Variants in ZFP64 observed in about 807,000 individuals in gnomAD.
The protein encoded by ZFP64 is zinc finger protein 64.
In ZFP64, 14 loss-of-function variants were observed where a neutral mutation model predicts 51.6. That is an observed-to-expected ratio of 0.27 (90% CI 0.18 to 0.42). The LOEUF (loss-of-function observed/expected upper bound fraction) is 0.42, where lower values mean the gene tolerates loss of function less well. Ranked by LOEUF, ZFP64 falls within the 10% of genes least tolerant of loss-of-function variation. The pLI, the probability that ZFP64 is intolerant of heterozygous loss-of-function variation, is 1.00. For synonymous variants in ZFP64, 375 were observed against 361.4 expected, an observed-to-expected ratio of 1.04 and a Z score of -0.43; for missense variants, 754 against 906.8, an observed-to-expected ratio of 0.83 and a Z score of 2.16.
At chr20:52,090,159 G>A (rs1250503635) in intron 7 of ZFP64, among the ~76,000 whole-genome samples, 1 of 152,120 alleles carries the variant, frequency 6.6e-6, no homozygotes, top group Non-Finnish European at 1.5e-5. Context: ...TTTAGAAGCA[G>A]GGTGGTCCAA....
chr20:52,148,177 T>C (rs1980616536), downstream of ZFP64, among the ~76,000 whole-genome samples: 1 of 152,222 alleles, frequency 6.6e-6, no homozygotes, highest in African/African-American at 2.4e-5. Context: ...GGGGGAAGCT[T>C]TGTAAGTCTA....
At chr20:52,118,359 T>C (rs1285100642) in intron 5 of ZFP64, among the ~76,000 whole-genome samples, 1 of 152,128 alleles carries the variant, frequency 6.6e-6, no homozygotes, top group African/African-American at 2.4e-5. Context: ...CCCTACTGGT[T>C]TGAAAGCTCC....
rs772308417 is a variant in ZFP64 at position 52,152,434 on chromosome 20, G to A, written c.1758C>T (p.Leu586=). The A allele has an allele frequency of 4.3e-6, 7 of 1,614,074 alleles. No homozygotes were observed. The highest frequency in any genetic ancestry group is 1.6e-4 in the Middle Eastern group (1 of 6,084). Residue 586 remains leucine, a synonymous_variant, in exon 6 of 6, where the codon CTC becomes CTT. Coordinates refer to ENST00000216923, the MANE Select transcript of ZFP64 (RefSeq NM_018197.3). ...GGGGGCCACCTGAGGCCGTGGGGAT[G>A]AGAGTCTGGTGCAGAGTGGCTCCGT... is the stretch of plus-strand genomic sequence containing the variant. ...QTDGATLHQT[L]IPTASGGPQE... is the part of the protein sequence containing the mutation.
chr20:52,161,258 T>C (rs1000285181), intron 4 of ZFP64, among the ~76,000 whole-genome samples: 1 of 152,188 alleles, frequency 6.6e-6, no homozygotes, highest in African/African-American at 2.4e-5. Flanking sequence ...CAACTTGACA[T>C]CTGTGAACTA....
intron 5 of ZFP64, among the ~76,000 whole-genome samples, chr20:52,103,239 G>C (rs1025852411): frequency 6.6e-6 from 1 of 152,146 alleles, no homozygotes; most frequent in Non-Finnish European, 1.5e-5. Context: ...CAGCCCCTTC[G>C]TCATTTTACT....
rs1242517581 is a variant in ZFP64, at chr20:52,191,421, C to T, written c.46+170G>A. 6.6e-6 allele frequency among the ~76,000 whole-genome samples: 1 copy of T among 152,106 alleles called. No homozygotes were observed. Among genetic ancestry groups the T allele is most frequent in the Non-Finnish European group, 1.5e-5 (1 of 68,010 alleles). The stretch of plus-strand genomic sequence containing the variant: ...GTGCGCCCCCACCCCAAGCCCACTC[C>T]GGCGCCCCCTGCACAGCGCGCCCGC... On this transcript the variant is annotated intron_variant, in intron 1 of 5. Transcript: ENST00000216923. This position sits in a 1 kb window ranked among gnomAD's most constrained non-coding sequence, Gnocchi z 4.3.
intron 5 of ZFP64, among the ~76,000 whole-genome samples, chr20:52,099,864 CAAA>C (rs200035988): frequency 1.3e-5 from 2 of 152,128 alleles, no homozygotes; most frequent in East Asian, 3.9e-4. Context: ...CCAAAACGGT[CAAA>C]TAATTTCATG....
In ZFP64 at chr20:52,151,292, A is replaced by G; in HGVS notation, c.*854T>C. 2.1e-5 allele frequency: 21 copies of G among 985,246 alleles called. No individual in the cohort carries two copies. The highest frequency in any genetic ancestry group is 2.4e-5 in the Non-Finnish European group (20 of 829,762). The allele number at this position is 985,246 out of a possible 1,614,324, so 61.0% of individuals were successfully genotyped here. A position where few individuals can be genotyped will look rare whatever the true frequency, so the allele number is the denominator to read the frequency against. ...TTAACATTCAGTATATTTTAATCAGATATCAATTTATTATGGAACCATTCA... is the reference window on the plus strand; with the variant it reads ...TTAACATTCAGTATATTTTAATCAGGTATCAATTTATTATGGAACCATTCA... On this transcript the variant is annotated 3_prime_UTR_variant, in exon 6 of 6. Coordinates refer to ENST00000216923, the MANE Select transcript of ZFP64 (RefSeq NM_018197.3).
At chr20:52,176,354 G>C (rs775048696) in intron 2 of ZFP64, among the ~76,000 whole-genome samples, 9 of 152,064 alleles carry the variant, frequency 5.9e-5, no homozygotes, top group Non-Finnish European at 1.0e-4. Context: ...GGGCAGCAGT[G>C]CTTATCCAAC....
chr20:52,096,348 C>T (rs190800297), intron 7 of ZFP64, among the ~76,000 whole-genome samples: 3 of 152,292 alleles, frequency 2.0e-5, no homozygotes, highest in Admixed American at 6.5e-5. Context: ...GCTGGCTAAG[C>T]GATGCAGAGA....
At chr20:52,173,649 T>G (rs1192653982) in intron 2 of ZFP64, among the ~76,000 whole-genome samples, 1 of 151,698 alleles carries the variant, frequency 6.6e-6, no homozygotes, top group Non-Finnish European at 1.5e-5. Flanking sequence ...TCCTTGCTTT[T>G]TTTTTTTTCT....
chr20:52,151,778 A>G lies in ZFP64; in HGVS notation c.*368T>C. ...CATTAAGAGCAAACCACGGCCAGGC[A>G]TGGTGGCTCACACCTGTAATCCCAG... On this transcript the variant is annotated 3_prime_UTR_variant, in exon 6 of 6. Transcript: ENST00000216923. The G allele has an allele frequency of 2.9e-6, 3 of 1,037,770 alleles. No individual in the cohort carries two copies. Among genetic ancestry groups the G allele is most frequent in the Non-Finnish European group, 3.5e-6 (3 of 861,546 alleles). The allele number at this position is 1,037,770 out of a possible 1,614,324, so 64.3% of individuals were successfully genotyped here.
chr20:52,089,079 A>G (rs2078894894), intron 7 of ZFP64: 1 of 517,452 alleles, frequency 1.9e-6, no homozygotes, highest in African/African-American at 1.9e-5. Flanking sequence ...TGAGGTCAGA[A>G]AAAGAATACA....
intron 5 of ZFP64, among the ~76,000 whole-genome samples, chr20:52,112,538 C>A (rs1033563614): frequency 6.6e-6 from 1 of 151,932 alleles, no homozygotes; most frequent in Admixed American, 6.6e-5. Flanking sequence ...GATACAAAAA[C>A]AAAGTATCAA....
At chr20:52,132,632 C>T (rs1446503837) in intron 5 of ZFP64, among the ~76,000 whole-genome samples, 4 of 152,090 alleles carry the variant, frequency 2.6e-5, no homozygotes, top group Non-Finnish European at 4.4e-5. Context: ...TTCCTAGACA[C>T]AAACAGCCTA....
rs1241216564 is a variant in ZFP64, at chr20:52,191,460, A to T, written c.46+131T>A. 9.0e-5 allele frequency: 106 copies of T among 1,171,734 alleles called. 1 individual carries two copies. The highest frequency in any genetic ancestry group is 1.3e-4 in the South Asian group (6 of 45,690). The allele number at this position is 1,171,734 out of a possible 1,614,324, so 72.6% of individuals were successfully genotyped here. On this transcript the variant is annotated intron_variant, in intron 1 of 5. Transcript: ENST00000216923. The surrounding 1 kb of genome is among the most constrained non-coding windows in gnomAD (Gnocchi z 4.3). Reference sequence around the variant, plus strand: ...CAGCGCGCCCGCCGCGGTCCCCGAGACGCGGCTCCGAGCCGTCACCCCGAT... The same window carrying T: ...CAGCGCGCCCGCCGCGGTCCCCGAGTCGCGGCTCCGAGCCGTCACCCCGAT...
chr20:52,104,715 C>A (rs1428786595), intron 5 of ZFP64: 1 of 482,878 alleles, frequency 2.1e-6, no homozygotes, highest in South Asian at 1.5e-5. Flanking sequence ...CTCGGTGAGG[C>A]CTTCCCTGGA....
At chr20:52,101,403 G>A (rs750134135) in intron 5 of ZFP64, among the ~76,000 whole-genome samples, 4 of 151,822 alleles carry the variant, frequency 2.6e-5, no homozygotes, top group South Asian at 2.1e-4. Context: ...ACAAGGTCTC[G>A]CTGTCACCCA....
intron 5 of ZFP64, among the ~76,000 whole-genome samples, chr20:52,118,117 A>G (rs951328352): frequency 3.9e-5 from 6 of 152,132 alleles, no homozygotes; most frequent in Non-Finnish European, 8.8e-5. Context: ...TTTTAAATGA[A>G]AAAGAAACTA....
Sources: gnomAD v4.1 joint callset for allele counts (sites outside exome capture counted in the v4.1 genomes callset) on GRCh38, gnomAD v4.1.1 for gene constraint, Gnocchi (gnomAD v3.1) non-coding constraint, MANE v1.5 for transcripts, NCBI Gene and HGNC (gene_info 2026-07-23, HGNC 2026-07-21) for gene names.